The following CRTC3 variants were observed in gnomAD, a reference collection of about 807,000 sequenced individuals.
CRTC3 encodes the protein CREB-regulated transcription coactivator 3.
Under a neutral mutation model 74.5 loss-of-function variants are expected in CRTC3, and 26 were observed. The observed-to-expected ratio is 0.35, with a 90% confidence interval of 0.26 to 0.48. The LOEUF is 0.48. Among genes scored for constraint, CRTC3 ranks in the 20% least tolerant of loss-of-function variants. The pLI is 0.99. For missense variants in CRTC3, 760 were observed against 787.3 expected (o/e 0.97, Z 0.41); for synonymous variants, 377 against 325.8 (o/e 1.16, Z -1.69).
chr15:90,605,981 C>A (rs531712709), intron 5 of CRTC3, among the ~76,000 whole-genome samples: 6 of 152,220 alleles, frequency 3.9e-5, no homozygotes, highest in Non-Finnish European at 8.8e-5. Context: ...GGAGGCCTGG[C>A]GCAGTGGCTC....
intron 5 of CRTC3, 96 bp from the exon 6 acceptor site, chr15:90,607,282 C>T (rs1401977887): frequency 1.4e-6 from 1 of 735,954 alleles, no homozygotes; most frequent in Admixed American, 2.3e-5. Flanking sequence ...ATCAGTTATT[C>T]TTGCCTTCTT....
At chr15:90,542,305 A>G (rs989288548) in intron 2 of CRTC3, among the ~76,000 whole-genome samples, 3 of 151,732 alleles carry the variant, frequency 2.0e-5, no homozygotes, top group African/African-American at 7.3e-5. Flanking sequence ...CAGCCTCCCA[A>G]GTAGCTGGGA....
intron 2 of CRTC3, among the ~76,000 whole-genome samples, chr15:90,568,509 C>A (rs1190980469): frequency 6.6e-6 from 1 of 152,082 alleles, no homozygotes; most frequent in Non-Finnish European, 1.5e-5. Context: ...TGCTACCATG[C>A]CTGGCTAATT....
intron 2 of CRTC3, among the ~76,000 whole-genome samples, chr15:90,591,476 G>T (rs973245149): frequency 6.6e-6 from 1 of 152,088 alleles, no homozygotes; most frequent in African/African-American, 2.4e-5. Context: ...TTTTGGGAAC[G>T]CCTTCTAAAG....
chr15:90,604,561 C>T (rs1005358122), intron 5 of CRTC3, 114 bp downstream of exon 5: 36 of 832,256 alleles, frequency 4.3e-5, no homozygotes, highest in Non-Finnish European at 6.2e-5. Flanking sequence ...GTTGATATGA[C>T]ATGTTCAAAA....
intron 10 of CRTC3, among the ~76,000 whole-genome samples, chr15:90,627,747 C>T (rs1372919482): frequency 1.1e-4 from 17 of 150,662 alleles, no homozygotes; most frequent in Non-Finnish European, 1.9e-4. Flanking sequence ...TCAGCCTCCC[C>T]AGTAGCTGGG....
Position 90,607,263 on chromosome 15 carries a change from T to C in CRTC3, c.477-115T>C, listed in dbSNP as rs1044072039. On this transcript the variant is annotated intron_variant, in intron 5 of 14. Coordinates refer to ENST00000268184, the MANE Select transcript of CRTC3 (RefSeq NM_022769.5). ...AGGTCCTAACCCCTTATTTGATGGT[T>C]GATTATAAATCAGTTATTCTTGCCT... The C allele has an allele frequency of 7.7e-6, 5 of 653,180 alleles. No homozygotes were observed. The Admixed American group carries it at 8.1e-5, about 11-fold the overall frequency. The allele number at this position is 653,180 out of a possible 1,614,324, so 40.5% of individuals were successfully genotyped here.
At chr15:90,580,559 T>C (rs74864795) in intron 2 of CRTC3, among the ~76,000 whole-genome samples, 25,482 of 151,766 alleles carry the variant, frequency 0.17, 3,369 homozygotes, top group African/African-American at 0.37. Flanking sequence ...TCCAGAGTAG[T>C]TGGGATTACA....
intron 2 of CRTC3, among the ~76,000 whole-genome samples, chr15:90,586,200 T>C (rs1174905963): frequency 1.3e-5 from 2 of 152,154 alleles, no homozygotes; most frequent in African/African-American, 2.4e-5. Context: ...TTGTCTTATG[T>C]AGAATTGCTT....
intron 10 of CRTC3, among the ~76,000 whole-genome samples, chr15:90,627,391 GCA>G (rs1255608302): frequency 3.2e-4 from 48 of 152,238 alleles, no homozygotes; most frequent in Non-Finnish European, 5.7e-4. Flanking sequence ...CAGAGTCTGG[GCA>G]ATTCACCTTT....
intron 2 of CRTC3, among the ~76,000 whole-genome samples, chr15:90,570,417 T>C (rs982873291): frequency 5.9e-5 from 9 of 152,162 alleles, no homozygotes; most frequent in African/African-American, 2.2e-4. Context: ...AGACCCTCAT[T>C]AGAAAAGTCG....
chr15:90,628,241 GATA>G lies in CRTC3; in HGVS notation c.968-984_968-982del, dbSNP rs201407144. ...CAAAAAAAATAATAATAATAATAGT[GATA>G]ATAATAATTTTGCCAGCTGCTGGAT... On this transcript the variant is annotated intron_variant, in intron 10 of 14. Coordinates refer to ENST00000268184, the MANE Select transcript of CRTC3 (RefSeq NM_022769.5). 5.1e-3 allele frequency among the ~76,000 whole-genome samples: 775 copies of G among 151,690 alleles called. 9 individuals carry two copies. The highest frequency in any genetic ancestry group is 0.042 in the East Asian group (214 of 5,100).
chr15:90,533,084 C>CAAAAAAAAAAA (rs766911510), intron 1 of CRTC3, among the ~76,000 whole-genome samples: 2 of 18,862 alleles, frequency 1.1e-4, no homozygotes, highest in African/African-American at 2.2e-4. Context: ...GACTTCATCT[C>CAAAAAAAAAAA]AAAAAAAAAA....
chr15:90,638,146 A>C, intron 11 of CRTC3: 1 of 309,602 alleles, frequency 3.2e-6, no homozygotes, highest in Non-Finnish European at 5.4e-6. Flanking sequence ...ACACGGCTAT[A>C]AAACAAAACA....
chr15:90,639,819 G>A lies in CRTC3; in HGVS notation c.1548+1004G>A, dbSNP rs1053318161. 8.9e-4 allele frequency among the ~76,000 whole-genome samples: 134 copies of A among 150,186 alleles called. 1 individual carries two copies. The highest frequency in any genetic ancestry group is 1.9e-3 in the African/African-American group (77 of 41,056). ...TCCCAGCAGTTTGGGAGGCCGAGGC[G>A]GGCGGATCATGAGGTCAGGAGATCG... On this transcript the variant is annotated intron_variant, in intron 13 of 14. Transcript: ENST00000268184.
intron 2 of CRTC3, among the ~76,000 whole-genome samples, chr15:90,545,857 CGT>C (rs1181688136): frequency 1.3e-5 from 2 of 152,262 alleles, no homozygotes; most frequent in Admixed American, 6.5e-5. Flanking sequence ...GGATTACAGG[CGT>C]GAGCCACTGC....
At chr15:90,558,384 G>A (rs1436576059) in intron 2 of CRTC3, among the ~76,000 whole-genome samples, 3 of 152,004 alleles carry the variant, frequency 2.0e-5, no homozygotes, top group Admixed American at 6.6e-5. Context: ...GTCCTCCAGC[G>A]GCTTCCCGTT....
chr15:90,607,548 G>A lies in CRTC3; in HGVS notation c.577+70G>A, dbSNP rs914266194. 73 of 978,480 alleles carry A rather than the reference G, an allele frequency of 7.5e-5. No homozygotes were observed. In the Admixed American group the frequency reaches 9.8e-4, roughly 13 times the overall value. The allele number at this position is 978,480 out of a possible 1,614,324, so 60.6% of individuals were successfully genotyped here. On this transcript the variant is annotated intron_variant, in intron 6 of 14. Coordinates refer to ENST00000268184, the MANE Select transcript of CRTC3 (RefSeq NM_022769.5). ...TCTGTCCTAGGAACCAAGGGAGAGA[G>A]AAGCTGAAGTGGTGTTTGCGCTTCC...
At chr15:90,629,838 TTA>T (rs1263578241) in intron 11 of CRTC3, among the ~76,000 whole-genome samples, 1 of 152,174 alleles carries the variant, frequency 6.6e-6, no homozygotes, top group Non-Finnish European at 1.5e-5. Flanking sequence ...TCTTCTCACC[TTA>T]GTCTTCGGAG....
Sources: gnomAD v4.1 joint callset for allele counts (sites outside exome capture counted in the v4.1 genomes callset) on GRCh38, gnomAD v4.1.1 for gene constraint, MANE v1.5 for transcripts, NCBI Gene and HGNC (gene_info 2026-07-23, HGNC 2026-07-21) for gene names.